The following PLA2G4A variants were observed in gnomAD, a reference collection of about 807,000 sequenced individuals.
PLA2G4A encodes phospholipase A2 group IVA, also known as cytosolic phospholipase A2.
A neutral mutation model predicts 81.9 loss-of-function variants in PLA2G4A; 40 were observed. The ratio of observed to expected loss-of-function variants is 0.49; its 90% CI spans 0.38 to 0.64. The LOEUF is 0.64. Ranked by LOEUF, PLA2G4A falls within the 30% of genes least tolerant of loss-of-function variation. PLA2G4A has a pLI of 0.00. For missense variants in PLA2G4A, 715 were observed against 905.1 expected, an observed-to-expected ratio of 0.79 and a Z score of 2.69; for synonymous variants, 302 against 296.9, an observed-to-expected ratio of 1.02 and a Z score of -0.18.
intron 1 of PLA2G4A, among the ~76,000 whole-genome samples, chr1:186,844,017 A>G (rs1571326930): frequency 6.6e-6 from 1 of 152,212 alleles, no homozygotes; most frequent in African/African-American, 2.4e-5. Flanking sequence ...CTTAAAAGGA[A>G]CAGTATGGAT....
intron 5 of PLA2G4A, among the ~76,000 whole-genome samples, chr1:186,904,265 C>T (rs1209433138): frequency 6.6e-6 from 1 of 152,164 alleles, no homozygotes; most frequent in East Asian, 1.9e-4. Context: ...TTAGTTCTAG[C>T]TCTAAGCTAA....
At position 186,870,513 on chromosome 1, in the gene PLA2G4A, A is replaced by G; in HGVS notation, c.112A>G (p.Met38Val). Residue 38 changes from methionine to valine, a missense_variant, in exon 3 of 18, where the codon ATG becomes GTG. Physicochemically the swap from Met to Val is conservative, Grantham distance 21 (BLOSUM62 1). Coordinates refer to ENST00000367466, the MANE Select transcript of PLA2G4A (RefSeq NM_024420.3). The stretch of plus-strand genomic sequence containing the variant: ...AGTGACAAAGGGGGCCTTTGGTGAC[A>G]TGCGTAAGTGCCCTTTTTTTCTTTG... ...TKVTKGAFGD[M>V]LDTPDPYVEL... The G allele has an allele frequency of 2.5e-6, 4 of 1,604,058 alleles. No homozygotes were observed. Among genetic ancestry groups the G allele is most frequent in the Non-Finnish European group, 3.4e-6 (4 of 1,171,050 alleles).
chr1:186,899,522 G>A (rs1571380468), intron 5 of PLA2G4A, among the ~76,000 whole-genome samples: 2 of 152,296 alleles, frequency 1.3e-5, no homozygotes, highest in East Asian at 3.9e-4. Flanking sequence ...AAAGGACAGA[G>A]CATGTTTGGG....
intron 17 of PLA2G4A, among the ~76,000 whole-genome samples, chr1:186,985,338 C>T (rs1052482844): frequency 1.3e-5 from 2 of 152,088 alleles, no homozygotes; most frequent in Non-Finnish European, 2.9e-5. Flanking sequence ...TATGTACCTT[C>T]CATGTTCTAA....
chr1:186,854,070 T>A (rs973814746), intron 1 of PLA2G4A, among the ~76,000 whole-genome samples: 5 of 151,906 alleles, frequency 3.3e-5, no homozygotes, highest in African/African-American at 1.2e-4. Flanking sequence ...ACAGTATAAA[T>A]TTGAACAAGT....
chr1:186,868,071 CTTTTTTTTT>C (rs59978011), intron 2 of PLA2G4A, among the ~76,000 whole-genome samples: 26 of 112,886 alleles, frequency 2.3e-4, no homozygotes, highest in East Asian at 2.7e-4. Context: ...GTGTATAATT[CTTTTTTTTT>C]TTTTTTTTTT....
At chr1:186,953,567 A>G (rs962786701) in intron 13 of PLA2G4A, among the ~76,000 whole-genome samples, 2 of 152,192 alleles carry the variant, frequency 1.3e-5, no homozygotes, top group Non-Finnish European at 2.9e-5. Context: ...GATTTTGAGC[A>G]AAGTTTTAGG....
At chr1:186,960,489 A>G (rs1656906323) in intron 14 of PLA2G4A, among the ~76,000 whole-genome samples, 1 of 152,204 alleles carries the variant, frequency 6.6e-6, no homozygotes, top group Non-Finnish European at 1.5e-5. Flanking sequence ...ATTCTTCCAT[A>G]ACGGCATTTA....
chr1:186,863,832 C>A (rs1347423338), intron 2 of PLA2G4A, among the ~76,000 whole-genome samples: 2 of 151,472 alleles, frequency 1.3e-5, no homozygotes, highest in African/African-American at 4.9e-5. Flanking sequence ...ATGATCTCAG[C>A]TCACTGTAAC....
At chr1:186,856,874 G>C (rs1169734255) in intron 2 of PLA2G4A, among the ~76,000 whole-genome samples, 1 of 150,766 alleles carries the variant, frequency 6.6e-6, no homozygotes, top group Non-Finnish European at 1.5e-5. Flanking sequence ...GAAAAAATAA[G>C]CATATGTGAA....
intron 3 of PLA2G4A, among the ~76,000 whole-genome samples, chr1:186,880,766 A>C (rs1007048196): frequency 6.6e-6 from 1 of 152,062 alleles, no homozygotes; most frequent in Admixed American, 6.6e-5. Flanking sequence ...CTTTCTATTC[A>C]ATCTAGAAAG....
chr1:186,845,226 A>C (rs1225398225), intron 1 of PLA2G4A, among the ~76,000 whole-genome samples: 5 of 152,016 alleles, frequency 3.3e-5, no homozygotes, highest in Non-Finnish European at 7.4e-5. Flanking sequence ...ACAAACAAAC[A>C]AACAAAAACT....
At chr1:186,857,407 A>G (rs1419488980) in intron 2 of PLA2G4A, among the ~76,000 whole-genome samples, 2 of 129,294 alleles carry the variant, frequency 1.5e-5, no homozygotes, top group Non-Finnish European at 3.1e-5. Context: ...TATAATATAT[A>G]TTATATAATG....
intron 14 of PLA2G4A, among the ~76,000 whole-genome samples, chr1:186,963,187 C>G (rs545525631): frequency 1.2e-4 from 19 of 152,262 alleles, no homozygotes; most frequent in Admixed American, 8.5e-4. Context: ...TGAATTATAA[C>G]TTTTTAGTAA....
intron 2 of PLA2G4A, among the ~76,000 whole-genome samples, chr1:186,864,641 A>C (rs1652946407): frequency 8.0e-6 from 1 of 125,016 alleles, no homozygotes; most frequent in South Asian, 3.2e-4. Flanking sequence ...TGTTTTAAAA[A>C]TCAGATTATT....
chr1:186,834,850 T>C (rs1040241251), intron 1 of PLA2G4A, among the ~76,000 whole-genome samples: 10 of 152,202 alleles, frequency 6.6e-5, no homozygotes, highest in Admixed American at 1.3e-4. Context: ...TTTCTGGCTC[T>C]TATTAAACCT....
intron 15 of PLA2G4A, among the ~76,000 whole-genome samples, chr1:186,976,797 T>C (rs1206031377): frequency 2.0e-5 from 3 of 152,208 alleles, no homozygotes; most frequent in African/African-American, 4.8e-5. Context: ...TTAGCCTGCT[T>C]TGGTGCAGAG....
At chr1:186,908,672 A>G (rs1238073779) in intron 6 of PLA2G4A, among the ~76,000 whole-genome samples, 4 of 151,998 alleles carry the variant, frequency 2.6e-5, no homozygotes, top group Non-Finnish European at 5.9e-5. Context: ...GTATACTAAT[A>G]TAATGAAATA....
intron 13 of PLA2G4A, among the ~76,000 whole-genome samples, chr1:186,953,606 A>G (rs918676022): frequency 1.3e-5 from 2 of 152,226 alleles, no homozygotes; most frequent in Middle Eastern, 3.2e-3. Context: ...CTTCAGACCT[A>G]TCCTGGAACC....
Sources: gnomAD v4.1 joint callset for allele counts (sites outside exome capture counted in the v4.1 genomes callset) on GRCh38, gnomAD v4.1.1 for gene constraint, MANE v1.5 for transcripts, NCBI Gene and HGNC (gene_info 2026-07-23, HGNC 2026-07-21) for gene names.